Variants in PRIM2 observed in about 807,000 individuals in gnomAD.
PRIM2 encodes DNA primase large subunit.
In PRIM2, 39 loss-of-function variants were observed where a neutral mutation model predicts 67.3. The observed-to-expected ratio is 0.58, with a 90% CI of 0.45 to 0.76. The LOEUF (loss-of-function observed/expected upper bound fraction) is 0.76. PRIM2 is among the 30% of genes least tolerant of loss of function. The pLI is 0.00. For synonymous variants in PRIM2, 143 were observed against 198.7 expected, an observed-to-expected ratio of 0.72 and a Z score of 2.36; for missense variants, 398 against 598.7, an observed-to-expected ratio of 0.66 and a Z score of 3.50.
At chr6:57,519,409 C>G (rs1774562654) in intron 8 of PRIM2, among the ~76,000 whole-genome samples, 2 of 152,324 alleles carry the variant, frequency 1.3e-5, no homozygotes, top group Non-Finnish European at 2.9e-5. Context: ...CCCAGGGGGG[C>G]CGTTCATAGG....
intron 5 of PRIM2, among the ~76,000 whole-genome samples, chr6:57,335,902 A>G (rs1581801471): frequency 1.3e-5 from 2 of 152,218 alleles, no homozygotes; most frequent in African/African-American, 4.8e-5. Flanking sequence ...CAGATGATCA[A>G]ATTACTCCGA....
upstream of PRIM2, among the ~76,000 whole-genome samples, chr6:57,313,609 C>T (rs1767427116): frequency 6.6e-6 from 1 of 152,152 alleles, no homozygotes; most frequent in South Asian, 2.1e-4. Context: ...TAGGTTGTTT[C>T]CCAGCCAACT....
At chr6:57,409,580 G>A (rs1353474790) in intron 7 of PRIM2, among the ~76,000 whole-genome samples, 3 of 152,100 alleles carry the variant, frequency 2.0e-5, no homozygotes, top group Non-Finnish European at 4.4e-5. Context: ...GGATAGATAT[G>A]TTCATCTCCA....
chr6:57,461,495 G>A (rs952115861), intron 7 of PRIM2, among the ~76,000 whole-genome samples: 7 of 152,046 alleles, frequency 4.6e-5, no homozygotes, highest in Non-Finnish European at 8.8e-5. Flanking sequence ...GCATAGCAGA[G>A]CCCTCCATAC....
the PRIM2 span, among the ~76,000 whole-genome samples, chr6:57,255,402 G>A: frequency 6.6e-6 from 1 of 151,768 alleles, no homozygotes; most frequent in South Asian, 2.1e-4. Flanking sequence ...GGAGGCTGAT[G>A]CAGGAGAATG....
chr6:57,335,556 T>C (rs1198994733), intron 5 of PRIM2, among the ~76,000 whole-genome samples: 2 of 152,240 alleles, frequency 1.3e-5, no homozygotes, highest in Non-Finnish European at 2.9e-5. Context: ...CCCTGACCCC[T>C]GACCCCCGAG....
the PRIM2 span, among the ~76,000 whole-genome samples, chr6:57,229,527 G>A: frequency 3.4e-5 from 5 of 147,774 alleles, no homozygotes; most frequent in Non-Finnish European, 7.4e-5. Flanking sequence ...TCGCTCTGTT[G>A]CCCAGGCTGG....
At chr6:57,454,896 C>G (rs1772705905) in intron 7 of PRIM2, among the ~76,000 whole-genome samples, 1 of 152,120 alleles carries the variant, frequency 6.6e-6, no homozygotes, top group African/African-American at 2.4e-5. Flanking sequence ...AATTTTAGAT[C>G]TTTCCTGCTT....
chr6:57,565,246 G>A (rs1775715430), intron 10 of PRIM2, among the ~76,000 whole-genome samples: 1 of 149,358 alleles, frequency 6.7e-6, no homozygotes, highest in Non-Finnish European at 1.5e-5. Flanking sequence ...ATACTAAACA[G>A]TTATCAGTCT....
At chr6:57,624,925 C>T (rs1217514963) in intron 12 of PRIM2, among the ~76,000 whole-genome samples, 3 of 152,232 alleles carry the variant, frequency 2.0e-5, no homozygotes, top group African/African-American at 4.8e-5. Flanking sequence ...GTGAGAGGCA[C>T]GTCTTACATA....
intron 5 of PRIM2, among the ~76,000 whole-genome samples, chr6:57,375,812 C>T: frequency 6.6e-6 from 1 of 151,686 alleles, no homozygotes; most frequent in East Asian, 1.9e-4. Flanking sequence ...TGGTTTATGC[C>T]TGTAATCTTA....
chr6:57,451,793 TA>T, intron 7 of PRIM2, among the ~76,000 whole-genome samples: 1 of 151,720 alleles, frequency 6.6e-6, no homozygotes, highest in African/African-American at 2.4e-5. Flanking sequence ...TTTTTTTTTT[TA>T]ATTATACTTT....
At chr6:57,297,209 A>T in the PRIM2 span, among the ~76,000 whole-genome samples, 1 of 152,156 alleles carries the variant, frequency 6.6e-6, no homozygotes, top group Non-Finnish European at 1.5e-5. Flanking sequence ...TGGGAGGTTG[A>T]GGCGGGTGGA....
chr6:57,537,305 C>A, intron 9 of PRIM2, 135 bp from the exon 10 acceptor site: 2 of 450,762 alleles, frequency 4.4e-6, no homozygotes, highest in East Asian at 6.4e-5. Flanking sequence ...TCTGTAACCA[C>A]AGTAATAAAG....
chr6:57,328,922 A>G (rs901839500), intron 5 of PRIM2, among the ~76,000 whole-genome samples: 3 of 152,166 alleles, frequency 2.0e-5, no homozygotes, highest in Non-Finnish European at 2.9e-5. Context: ...ATATCTTTTC[A>G]TATGCTTATT....
the PRIM2 span, among the ~76,000 whole-genome samples, chr6:57,223,392 A>G: frequency 1.1e-4 from 17 of 152,316 alleles, no homozygotes; most frequent in Non-Finnish European, 2.1e-4. Flanking sequence ...TTTTGGCGCT[A>G]GTTATAAATG....
At position 57,635,152 on chromosome 6, in the gene PRIM2, T is replaced by C. The variant is rs1777097748; in HGVS notation, c.1299+2951T>C. ...ACCATTTGCAGCAGCACTATGATAGTTCCATATGGCTTTTTTGGTAATACC... is the reference window on the plus strand; with the variant it reads ...ACCATTTGCAGCAGCACTATGATAGCTCCATATGGCTTTTTTGGTAATACC... On this transcript the variant is annotated intron_variant, in intron 13 of 13. Coordinates refer to ENST00000615550, the MANE Select transcript of PRIM2 (RefSeq NM_000947.5). Among the ~76,000 whole-genome samples, 6 of 152,288 alleles carry C rather than the reference T, an allele frequency of 3.9e-5. 1 individual carries two copies. In the South Asian group the frequency reaches 1.0e-3, roughly 26 times the overall value.
chr6:57,319,094 C>A (rs1031418368), intron 2 of PRIM2, among the ~76,000 whole-genome samples: 4 of 152,088 alleles, frequency 2.6e-5, no homozygotes, highest in African/African-American at 7.2e-5. Flanking sequence ...AGAGTTTTTC[C>A]AAGCTGAGAT....
chr6:57,345,997 T>C (rs895221187), intron 5 of PRIM2, among the ~76,000 whole-genome samples: 10 of 152,216 alleles, frequency 6.6e-5, no homozygotes, highest in African/African-American at 2.4e-4. Context: ...AATTAGCATA[T>C]AGTGAGCAGT....
Sources: gnomAD v4.1 joint callset for allele counts (sites outside exome capture counted in the v4.1 genomes callset) on GRCh38, gnomAD v4.1.1 for gene constraint, MANE v1.5 for transcripts, NCBI Gene and HGNC (gene_info 2026-07-23, HGNC 2026-07-21) for gene names.